The following FADS1 variants were observed in gnomAD, a reference collection of about 807,000 sequenced individuals.
FADS1 encodes acyl-CoA (8-3)-desaturase.
Under a neutral mutation model 61.6 loss-of-function variants are expected in FADS1, and 17 were observed. The ratio of observed to expected loss-of-function variants is 0.28; its 90% CI spans 0.19 to 0.41. The LOEUF (loss-of-function observed/expected upper bound fraction) is 0.41. FADS1 is among the 10% of genes least tolerant of loss of function. The pLI is 1.00. For missense variants in FADS1, 387 were observed against 650.9 expected (o/e 0.59, Z 4.41); for synonymous variants, 238 against 258.7 (o/e 0.92, Z 0.77).
At chr11:61,809,296 A>G (rs1329831808) in intron 5 of FADS1, among the ~76,000 whole-genome samples, 1 of 152,204 alleles carries the variant, frequency 6.6e-6, no homozygotes, top group Non-Finnish European at 1.5e-5. Flanking sequence ...TTTAATCTGT[A>G]AGTTACGTTG....
At chr11:61,806,610 TC>T (rs1254120282) in intron 6 of FADS1, 53 bp downstream of exon 6, 26 of 1,487,902 alleles carry the variant, frequency 1.7e-5, no homozygotes, top group Middle Eastern at 3.4e-4. Context: ...TCCTCCTCAT[TC>T]CCTCAGCATT....
rs536111790 is a variant in FADS1, at chr11:61,803,771, T to C, written c.1054-4A>G. ...AGGTAATCATCCAGGCCAAGTCCTATAGTGAGAAAAGCAGCGAGCATAACA... is the reference window on the plus strand; with the variant it reads ...AGGTAATCATCCAGGCCAAGTCCTACAGTGAGAAAAGCAGCGAGCATAACA... On this transcript the variant is annotated splice_polypyrimidine_tract_variant and splice_region_variant and intron_variant, in intron 7 of 11. Coordinates refer to ENST00000350997, the MANE Select transcript of FADS1 (RefSeq NM_013402.7). This position sits in a 1 kb window ranked among gnomAD's most constrained non-coding sequence, Gnocchi z 4.3. 6.2e-7 allele frequency: 1 copy of C among 1,610,314 alleles called. No homozygotes were observed. Among genetic ancestry groups the C allele is most frequent in the South Asian group, 1.1e-5 (1 of 91,012 alleles).
chr11:61,813,752 T>C (rs2066949085), intron 1 of FADS1, among the ~76,000 whole-genome samples: 2 of 151,816 alleles, frequency 1.3e-5, no homozygotes, highest in Non-Finnish European at 2.9e-5. Context: ...GATCACGAGG[T>C]CAGGAGATCG....
chr11:61,803,085 C>T lies in FADS1; in HGVS notation c.1275G>A (p.Lys425=). Residue 425 remains lysine (K), a synonymous_variant, in exon 10 of 12, where the codon AAG becomes AAA. Coordinates refer to ENST00000350997, the MANE Select transcript of FADS1 (RefSeq NM_013402.7). The surrounding 1 kb of genome is among the most constrained non-coding windows in gnomAD (Gnocchi z 4.3). ...TQLQATCNVH[K]SAFNDWFSGH... ...CACTGAACCAGTCATTGAAGGCAGACTTGTGGACATTGCATGTGGCCTGGA... is the reference window on the plus strand; with the variant it reads ...CACTGAACCAGTCATTGAAGGCAGATTTGTGGACATTGCATGTGGCCTGGA... 6.2e-7 allele frequency: 1 copy of T among 1,614,160 alleles called. No individual in the cohort carries two copies. The highest frequency in any genetic ancestry group is 8.5e-7 in the Non-Finnish European group (1 of 1,180,030).
In FADS1 at chr11:61,816,123, G is replaced by A; in HGVS notation, c.375+432C>T. On this transcript the variant is annotated intron_variant, in intron 1 of 11. Coordinates refer to ENST00000350997, the MANE Select transcript of FADS1 (RefSeq NM_013402.7). The surrounding 1 kb of genome is among the most constrained non-coding windows in gnomAD (Gnocchi z 7.0). ...CCGGCACCTAGGTCCAGACGCGGCT[G>A]CGCTGCCTCTCCTAGCCATCGAGAC... 2.7e-6 allele frequency: 2 copies of A among 752,484 alleles called. No homozygotes were observed. The highest frequency in any genetic ancestry group is 4.2e-6 in the Non-Finnish European group (2 of 475,010). 46.6% of individuals were successfully genotyped at this position (752,484 alleles called of 1,614,324 possible). A position where few individuals can be genotyped will look rare whatever the true frequency, so the allele number is the denominator to read the frequency against.
intron 5 of FADS1, among the ~76,000 whole-genome samples, chr11:61,810,031 T>TCTGCAGC (rs2066920263): frequency 6.6e-6 from 1 of 152,198 alleles, no homozygotes; most frequent in Non-Finnish European, 1.5e-5. Flanking sequence ...CTGGAAGAAC[T>TCTGCAGC]CTGCAGCCTA....
In FADS1 at chr11:61,802,028, G is replaced by A. The variant is rs901445489; in HGVS notation, c.*383C>T. ...CCTGGGTAGCTGGGATTACAGGCGC[G>A]TGCCACCACGCCCGGCATGAGTGGA... is the stretch of plus-strand genomic sequence containing the variant. On this transcript the variant is annotated 3_prime_UTR_variant, in exon 12 of 12. Transcript: ENST00000350997. This position sits in a 1 kb window ranked among gnomAD's most constrained non-coding sequence, Gnocchi z 4.2. 4.9e-5 allele frequency: 11 copies of A among 225,610 alleles called. No homozygotes were observed. The highest frequency in any genetic ancestry group is 3.3e-4 in the East Asian group (3 of 9,172). 14.0% of individuals were successfully genotyped at this position (225,610 alleles called of 1,614,324 possible).
Position 61,802,845 on chromosome 11 carries a change from C to G in FADS1, c.1410G>C (p.Glu470Asp). ...CTGACAGCAGGGGCTTGGACTGGTACTCTATGCCATGCTTGGCACACAAGG... is the reference window on the plus strand; with the variant it reads ...CTGACAGCAGGGGCTTGGACTGGTAGTCTATGCCATGCTTGGCACACAAGG... The part of the protein sequence containing the change: ...VQSLCAKHGI[E>D]YQSKPLLSAF... Residue 470 changes from glutamate (E) to aspartate (D), a missense_variant, in exon 11 of 12, where the codon GAG becomes GAC. Glu to Asp is a conservative substitution (Grantham distance 45, BLOSUM62 2). Around this residue, in one of 2 missense-constraint regions of FADS1, gnomAD observed 257 missense variants for 533.3 expected, o/e 0.48. Coordinates refer to ENST00000350997, the MANE Select transcript of FADS1 (RefSeq NM_013402.7). This position sits in a 1 kb window ranked among gnomAD's most constrained non-coding sequence, Gnocchi z 4.2. The G allele has an allele frequency of 6.2e-7, 1 of 1,614,216 alleles. No individual in the cohort carries two copies. The highest frequency in any genetic ancestry group is 1.1e-5 in the South Asian group (1 of 91,084).
intron 3 of FADS1, among the ~76,000 whole-genome samples, chr11:61,812,226 C>T (rs545983866): frequency 2.2e-4 from 33 of 152,242 alleles, no homozygotes; most frequent in African/African-American, 7.7e-4. Flanking sequence ...GAGAACAAAC[C>T]GCATAGGAAG....
At position 61,810,778 on chromosome 11, in the gene FADS1, A is replaced by G. The variant is rs768557985; in HGVS notation, c.888T>C (p.Phe296=). The G allele has an allele frequency of 6.2e-7, 1 of 1,614,186 alleles. No individual in the cohort carries two copies. Among genetic ancestry groups the G allele is most frequent in the Non-Finnish European group, 8.5e-7 (1 of 1,180,038 alleles). Residue 296 remains phenylalanine (F), a synonymous_variant, in exon 5 of 12, where the codon TTT becomes TTC. Transcript: ENST00000350997. Reference sequence around the variant, plus strand: ...CCACAGAGAGGATCTTCCCCAAGGCAAAGAAGAAGGGATGCATGTTGATGT... The same window carrying G: ...CCACAGAGAGGATCTTCCCCAAGGCGAAGAAGAAGGGATGCATGTTGATGT... ...DPDINMHPFF[F]ALGKILSVEL... is the part of the protein sequence containing the mutation.
At chr11:61,804,830 G>A (rs764151975) in intron 6 of FADS1, 69 bp from the exon 7 acceptor site, 3 of 1,325,252 alleles carry the variant, frequency 2.3e-6, no homozygotes, top group Non-Finnish European at 3.3e-6. Context: ...AGTTGATGTT[G>A]GGAGAGATGG....
intron 5 of FADS1, among the ~76,000 whole-genome samples, chr11:61,807,379 T>A (rs1280138803): frequency 6.6e-6 from 1 of 152,156 alleles, no homozygotes; most frequent in Non-Finnish European, 1.5e-5. Context: ...CCATCGTACT[T>A]TTTCACACCA....
chr11:61,816,852 G>T lies in FADS1; in HGVS notation c.78C>A (p.Gly26=). The T allele has an allele frequency of 2.7e-6, 4 of 1,484,430 alleles. No individual in the cohort carries two copies. The highest frequency in any genetic ancestry group is 1.8e-6 in the Non-Finnish European group (2 of 1,127,752). The allele number at this position is 1,484,430 out of a possible 1,614,324, so 92.0% of individuals were successfully genotyped here. Residue 26 remains glycine, a synonymous_variant, in exon 1 of 12, where the codon GGC becomes GGA. Transcript: ENST00000350997. The surrounding 1 kb of genome is among the most constrained non-coding windows in gnomAD (Gnocchi z 7.0). ...TCCAGGAGTGGATTTGCTGGCGCGCGCCCAGAGCCAGCCGCCTGCGCGCCG... is the reference window on the plus strand; with the variant it reads ...TCCAGGAGTGGATTTGCTGGCGCGCTCCCAGAGCCAGCCGCCTGCGCGCCG... ...ENPARRRLAL[G]ARQQIHSWSP...
Position 61,815,338 on chromosome 11 carries a change from C to G in FADS1, c.375+1217G>C, listed in dbSNP as rs1241070103. The G allele has an allele frequency of 6.4e-6, 1 of 156,132 alleles. No homozygotes were observed. Among genetic ancestry groups the G allele is most frequent in the Non-Finnish European group, 1.5e-5 (1 of 68,170 alleles). The allele number at this position is 156,132 out of a possible 1,614,324, so 9.7% of individuals were successfully genotyped here. The stretch of plus-strand genomic sequence containing the variant: ...CGCCCTTGGCCGCAGTCAGGGCTCC[C>G]GAGTGGTCACTCTGGTTGACCCGCG... On this transcript the variant is annotated intron_variant, in intron 1 of 11. Transcript: ENST00000350997. This position sits in a 1 kb window ranked among gnomAD's most constrained non-coding sequence, Gnocchi z 6.4.
intron 6 of FADS1, chr11:61,805,039 T>G: frequency 1.9e-6 from 1 of 537,850 alleles, no homozygotes; most frequent in Non-Finnish European, 3.3e-6. Flanking sequence ...GCTTGGGAAC[T>G]CAGGCCCCAC....
intron 5 of FADS1, among the ~76,000 whole-genome samples, chr11:61,810,297 T>C (rs951234246): frequency 3.3e-5 from 5 of 152,042 alleles, no homozygotes; most frequent in South Asian, 4.2e-4. Flanking sequence ...ATATTGGACA[T>C]GAAAGAAGAG....
Position 61,812,464 on chromosome 11 carries a change from C to T in FADS1, c.684+7G>A. 6.2e-7 allele frequency: 1 copy of T among 1,613,530 alleles called. No homozygotes were observed. The highest frequency in any genetic ancestry group is 1.1e-5 in the South Asian group (1 of 91,050). On this transcript the variant is annotated splice_region_variant and intron_variant, in intron 3 of 11. Transcript: ENST00000350997. ...TGCTGTGCACTTGACAAGCCAAAGG[C>T]TCTCACCTGAACTGCACTGAGCAGC...
Position 61,803,881 on chromosome 11 carries a change from C to G in FADS1, c.1054-114G>C. ...CTCCTGGTTATCCAGACTCACTCAT[C>G]TTCAGCTTCTCAGGGGTCCAATCCT... On this transcript the variant is annotated intron_variant, in intron 7 of 11. Transcript: ENST00000350997. This position sits in a 1 kb window ranked among gnomAD's most constrained non-coding sequence, Gnocchi z 4.3. 1.3e-6 allele frequency: 1 copy of G among 767,374 alleles called. No homozygotes were observed. Among genetic ancestry groups the G allele is most frequent in the Non-Finnish European group, 2.2e-6 (1 of 448,448 alleles). 47.5% of individuals were successfully genotyped at this position (767,374 alleles called of 1,614,324 possible). A position where few individuals can be genotyped will look rare whatever the true frequency, so the allele number is the denominator to read the frequency against.
At chr11:61,811,441 T>A (rs1173637537) in intron 3 of FADS1, among the ~76,000 whole-genome samples, 1 of 151,888 alleles carries the variant, frequency 6.6e-6, no homozygotes, top group Non-Finnish European at 1.5e-5. Context: ...TAGCTGGGAT[T>A]ACAGGTGCCC....
Sources: gnomAD v4.1 joint callset for allele counts (sites outside exome capture counted in the v4.1 genomes callset) on GRCh38, gnomAD v4.1.1 for gene constraint, gnomAD v4.1.1 regional missense constraint, Gnocchi (gnomAD v3.1) non-coding constraint, MANE v1.5 for transcripts, NCBI Gene and HGNC (gene_info 2026-07-23, HGNC 2026-07-21) for gene names.